TMEM117: variants seen among roughly 807,000 people sequenced by gnomAD.
The protein encoded by TMEM117 is transmembrane protein 117.
Under a neutral mutation model 52.4 loss-of-function variants are expected in TMEM117, and 27 were observed. The ratio of observed to expected loss-of-function variants is 0.51; its 90% CI spans 0.38 to 0.71. TMEM117 has a LOEUF of 0.71. Ranked by LOEUF, TMEM117 falls within the 30% of genes least tolerant of loss-of-function variation. The pLI is 0.00. For synonymous variants in TMEM117, 215 were observed against 206.3 expected (o/e 1.04, Z -0.36); for missense variants, 556 against 630.5 (o/e 0.88, Z 1.26).
chr12:44,252,204 T>G (rs903022228), intron 5 of TMEM117, among the ~76,000 whole-genome samples: 1 of 152,134 alleles, frequency 6.6e-6, no homozygotes, highest in African/African-American at 2.4e-5. Flanking sequence ...ACTTTATCCA[T>G]ATCCAAAGAT....
At chr12:43,978,052 C>A (rs1315856013) in intron 3 of TMEM117, among the ~76,000 whole-genome samples, 1 of 152,086 alleles carries the variant, frequency 6.6e-6, no homozygotes, top group Non-Finnish European at 1.5e-5. Flanking sequence ...TGTGAGCTGG[C>A]AATCTGGGCA....
At chr12:44,255,639 A>G (rs1442711226) in intron 5 of TMEM117, among the ~76,000 whole-genome samples, 2 of 152,142 alleles carry the variant, frequency 1.3e-5, no homozygotes, top group Non-Finnish European at 2.9e-5. Context: ...AGCAGGATAT[A>G]AACTTGGACA....
intron 5 of TMEM117, among the ~76,000 whole-genome samples, chr12:44,255,746 C>T (rs986229051): frequency 6.6e-6 from 1 of 151,990 alleles, no homozygotes; most frequent in East Asian, 1.9e-4. Flanking sequence ...CAAAGAATAA[C>T]AAAATACTGG....
At chr12:44,041,849 A>G (rs1394241355) in intron 3 of TMEM117, among the ~76,000 whole-genome samples, 1 of 152,194 alleles carries the variant, frequency 6.6e-6, no homozygotes, top group Admixed American at 6.5e-5. Context: ...CCATAAACAG[A>G]ACTAAAAACA....
At chr12:43,889,273 G>C (rs1182735818) in intron 2 of TMEM117, among the ~76,000 whole-genome samples, 1 of 152,094 alleles carries the variant, frequency 6.6e-6, no homozygotes, top group Non-Finnish European at 1.5e-5. Flanking sequence ...AGTAAAGACG[G>C]GGTTTCACCA....
intron 3 of TMEM117, among the ~76,000 whole-genome samples, chr12:44,088,545 G>A (rs182429738): frequency 9.9e-5 from 15 of 152,252 alleles, no homozygotes; most frequent in Admixed American, 5.9e-4. Flanking sequence ...AGCCTCTGGC[G>A]CATGAGGCTG....
At chr12:44,212,321 G>C (rs1043652195) in intron 5 of TMEM117, among the ~76,000 whole-genome samples, 3 of 152,102 alleles carry the variant, frequency 2.0e-5, no homozygotes, top group African/African-American at 7.2e-5. Context: ...TTACTTAGTA[G>C]CTATCTCACT....
chr12:44,050,141 A>G (rs1592473701), intron 3 of TMEM117, among the ~76,000 whole-genome samples: 1 of 152,306 alleles, frequency 6.6e-6, no homozygotes, highest in Non-Finnish European at 1.5e-5. Context: ...AATCCAGACT[A>G]CAGTCTTTGT....
chr12:44,093,308 T>A (rs1476437479), intron 3 of TMEM117, among the ~76,000 whole-genome samples: 4 of 152,164 alleles, frequency 2.6e-5, no homozygotes, highest in African/African-American at 9.7e-5. Context: ...TCTCTAACTT[T>A]GTTATTTCTA....
At chr12:44,310,897 C>T (rs545153948) in intron 6 of TMEM117, among the ~76,000 whole-genome samples, 4 of 152,168 alleles carry the variant, frequency 2.6e-5, no homozygotes, top group South Asian at 2.1e-4. Context: ...CCTGGAAATA[C>T]GAGTTTAAAA....
At chr12:43,836,864 AAG>A (rs1943040092) in intron 1 of TMEM117, among the ~76,000 whole-genome samples, 1 of 152,122 alleles carries the variant, frequency 6.6e-6, no homozygotes, top group Non-Finnish European at 1.5e-5. Context: ...AGGAACCAAA[AAG>A]GAAAAAAAAT....
Position 43,866,819 on chromosome 12 carries a change from G to A in TMEM117, c.277+21891G>A, listed in dbSNP as rs561545260. 3.3e-5 allele frequency among the ~76,000 whole-genome samples: 5 copies of A among 152,248 alleles called. No homozygotes were observed. In the South Asian group the frequency reaches 8.3e-4, roughly 25 times the overall value. On this transcript the variant is annotated intron_variant, in intron 2 of 7. Coordinates refer to ENST00000266534, the MANE Select transcript of TMEM117 (RefSeq NM_032256.3). Reference sequence around the variant, plus strand: ...AAGACAAAAATGTTTAGGTTGGCGCGGTGGCTTACGCCTGTAATCCCAACA... The same window carrying A: ...AAGACAAAAATGTTTAGGTTGGCGCAGTGGCTTACGCCTGTAATCCCAACA...
chr12:44,331,908 T>C (rs1188140758), intron 6 of TMEM117, among the ~76,000 whole-genome samples: 8 of 152,068 alleles, frequency 5.3e-5, no homozygotes. Flanking sequence ...TTTATTCTTG[T>C]CACCTTGGGC....
chr12:44,063,609 C>T (rs1947174704), intron 3 of TMEM117, among the ~76,000 whole-genome samples: 2 of 148,066 alleles, frequency 1.4e-5, no homozygotes, highest in African/African-American at 2.5e-5. Context: ...TAATGCTATC[C>T]CTCCCGCCTC....
intron 2 of TMEM117, among the ~76,000 whole-genome samples, chr12:43,863,416 A>T (rs1434678780): frequency 6.6e-6 from 1 of 152,216 alleles, no homozygotes; most frequent in African/African-American, 2.4e-5. Flanking sequence ...TCAGCAGAAC[A>T]TGGATATGAT....
At chr12:44,056,259 A>G (rs1013978634) in intron 3 of TMEM117, among the ~76,000 whole-genome samples, 1 of 152,098 alleles carries the variant, frequency 6.6e-6, no homozygotes, top group East Asian at 1.9e-4. Context: ...CACATTTGAA[A>G]GCATTTTTTA....
At chr12:43,850,147 G>A (rs1295400768) in intron 2 of TMEM117, among the ~76,000 whole-genome samples, 2 of 152,160 alleles carry the variant, frequency 1.3e-5, no homozygotes, top group African/African-American at 4.8e-5. Context: ...CAGAAGCCAT[G>A]TCTCGGTACC....
At chr12:44,178,160 T>C (rs1949142003) in intron 4 of TMEM117, among the ~76,000 whole-genome samples, 1 of 152,188 alleles carries the variant, frequency 6.6e-6, no homozygotes, top group Admixed American at 6.5e-5. Context: ...CTGTTACCTC[T>C]CATGTTTTAG....
At chr12:44,077,455 G>T (rs1408034432) in intron 3 of TMEM117, among the ~76,000 whole-genome samples, 2 of 152,110 alleles carry the variant, frequency 1.3e-5, no homozygotes, top group African/African-American at 2.4e-5. Context: ...GAAACGTTGA[G>T]CTGAATTTAT....
Sources: allele counts gnomAD v4.1 joint callset (sites outside exome capture counted in the v4.1 genomes callset), GRCh38; gene constraint gnomAD v4.1.1; transcripts MANE v1.5; gene names NCBI Gene and HGNC (gene_info 2026-07-23, HGNC 2026-07-21).